Variants in CCNB3 observed in about 807,000 individuals in gnomAD.
The protein encoded by CCNB3 is G2/mitotic-specific cyclin-B3.
CCNB3 carries 12 observed loss-of-function variants against 68.0 expected under a neutral mutation model. The ratio of observed to expected loss-of-function variants is 0.18; its 90% CI spans 0.11 to 0.29. CCNB3 has a LOEUF of 0.29. Among genes scored for constraint, CCNB3 ranks in the 10% least tolerant of loss-of-function variants. The pLI, the probability that CCNB3 is intolerant of heterozygous loss-of-function variation, is 1.00. For missense variants in CCNB3, 904 were observed against 993.1 expected (o/e 0.91, Z 1.21); for synonymous variants, 354 against 388.9 (o/e 0.91, Z 1.06).
intron 8 of CCNB3, among the ~76,000 whole-genome samples, chrX:50,318,109 T>G (rs1169978584): frequency 1.8e-5 from 2 of 110,532 alleles, no homozygotes; most frequent in Non-Finnish European, 3.8e-5. Flanking sequence ...TTCTGTTTCC[T>G]TTATCTCTGT....
At chrX:50,209,072 A>G (rs1935430546) in intron 1 of CCNB3, among the ~76,000 whole-genome samples, 1 of 110,595 alleles carries the variant, frequency 9.0e-6, no homozygotes, top group Admixed American at 9.6e-5. Flanking sequence ...TAGGGTCTGT[A>G]GTGGAATCCC....
At chrX:50,226,513 A>G (rs1935812854) in intron 1 of CCNB3, among the ~76,000 whole-genome samples, 2 of 74,809 alleles carry the variant, frequency 2.7e-5, no homozygotes, top group Non-Finnish European at 4.6e-5. Flanking sequence ...TATATATAGA[A>G]TATATAGATA....
Position 50,294,751 on chromosome X carries a change from C to A in CCNB3, c.205-112C>A, listed in dbSNP as rs782362255. Reference sequence around the variant, plus strand: ...ATCACTCCTGGGAACACCCAACCAACTTATGTGGGTCAGGACTTTCCTATG... The same window carrying A: ...ATCACTCCTGGGAACACCCAACCAAATTATGTGGGTCAGGACTTTCCTATG... On this transcript the variant is annotated intron_variant, in intron 4 of 12. Coordinates refer to ENST00000376042, the MANE Select transcript of CCNB3 (RefSeq NM_033031.3). 7.9e-5 allele frequency: 74 copies of A among 933,952 alleles called. No individual in the cohort carries two copies. The East Asian group carries it at 2.3e-3, about 29-fold the overall frequency. The allele number at this position is 933,952 out of a possible 1,213,427, so 77.0% of individuals were successfully genotyped here. A position where few individuals can be genotyped will look rare whatever the true frequency, so the allele number is the denominator to read the frequency against.
At chrX:50,314,599 A>G (rs1921631264) in intron 8 of CCNB3, among the ~76,000 whole-genome samples, 2 of 111,869 alleles carry the variant, frequency 1.8e-5, no homozygotes, top group South Asian at 7.5e-4. Flanking sequence ...ATAGTTTTAT[A>G]TCCTTTGTTA....
In CCNB3 at chrX:50,288,830, T is replaced by C. The variant is rs1483310158; in HGVS notation, c.147T>C (p.Ser49=). The C allele has an allele frequency of 8.3e-6, 10 of 1,207,283 alleles. No individual in the cohort carries two copies. Among genetic ancestry groups the C allele is most frequent in the Non-Finnish European group, 1.0e-5 (9 of 893,339 alleles). ...TATCTCCATCTTCACTTCAGGAGTC[T>C]CCATCTTCACTTCAGGGAGCACTCA... The part of the protein sequence containing the change: ...TKISPSSLQE[S]PSSLQGALKK... The change falls in exon 4 of 13, where the codon TCT becomes TCC. Residue 49 remains serine (S), a synonymous_variant. Transcript: ENST00000376042.
intron 1 of CCNB3, among the ~76,000 whole-genome samples, chrX:50,216,265 G>A (rs900166723): frequency 4.8e-5 from 5 of 104,285 alleles, no homozygotes; most frequent in African/African-American, 1.8e-4. Flanking sequence ...GTGTGTGTGT[G>A]TGTTTGTGTG....
intron 5 of CCNB3, among the ~76,000 whole-genome samples, chrX:50,301,620 C>A (rs1373072662): frequency 1.8e-5 from 2 of 112,424 alleles, no homozygotes; most frequent in African/African-American, 3.2e-5. Flanking sequence ...GTTCTCAGAT[C>A]TCAAGCTGCG....
At chrX:50,349,640 T>C (rs1051027558) in intron 11 of CCNB3, among the ~76,000 whole-genome samples, 4 of 112,199 alleles carry the variant, frequency 3.6e-5, no homozygotes, top group Non-Finnish European at 7.5e-5. Flanking sequence ...ATTACCCCCT[T>C]GTGTTACTCC....
chrX:50,219,759 T>C (rs1046614723), intron 1 of CCNB3, among the ~76,000 whole-genome samples: 3 of 111,823 alleles, frequency 2.7e-5, no homozygotes, highest in Non-Finnish European at 1.9e-5. Flanking sequence ...TCCGGGCTCT[T>C]TTTTGTTTTC....
chrX:50,204,294 C>T (rs1273619150), upstream of CCNB3, among the ~76,000 whole-genome samples: 6 of 111,845 alleles, frequency 5.4e-5, no homozygotes, highest in Admixed American at 5.7e-4. Flanking sequence ...ATCAGAATCA[C>T]CTGGAGGGCT....
intron 8 of CCNB3, among the ~76,000 whole-genome samples, chrX:50,336,411 G>A (rs1282647082): frequency 9.0e-6 from 1 of 111,713 alleles, no homozygotes; most frequent in East Asian, 2.8e-4. Context: ...GCTTTCTCTG[G>A]GGCTTGTTGC....
chrX:50,322,985 T>A lies in CCNB3; in HGVS notation c.3516+9037T>A, dbSNP rs35679144. Among the ~76,000 whole-genome samples, 20 of 111,815 alleles carry A rather than the reference T, an allele frequency of 1.8e-4. 1 individual carries two copies. In the South Asian group the frequency reaches 7.3e-3, roughly 41 times the overall value. ...CACTGTTGGTAGGACTGTAAACTGGTTCAACCATTGTGGAAGACAGTGTGG... is the reference window on the plus strand; with the variant it reads ...CACTGTTGGTAGGACTGTAAACTGGATCAACCATTGTGGAAGACAGTGTGG... On this transcript the variant is annotated intron_variant, in intron 8 of 12. Transcript: ENST00000376042.
At chrX:50,321,632 C>G (rs1261186181) in intron 8 of CCNB3, among the ~76,000 whole-genome samples, 1 of 111,283 alleles carries the variant, frequency 9.0e-6, no homozygotes, top group East Asian at 2.8e-4. Flanking sequence ...CAGTAGTATA[C>G]TGTTTTTATT....
Position 50,351,550 on chromosome X carries a change from A to G in CCNB3, c.4092-57A>G, listed in dbSNP as rs17003332. The G allele has an allele frequency of 4.5e-3, 4,960 of 1,101,576 alleles. 129 individuals are homozygous for G. In the African/African-American group the frequency reaches 0.082, roughly 18 times the overall value. The allele number at this position is 1,101,576 out of a possible 1,213,427, so 90.8% of individuals were successfully genotyped here. A position where few individuals can be genotyped will look rare whatever the true frequency, so the allele number is the denominator to read the frequency against. On this transcript the variant is annotated intron_variant, in intron 12 of 12. Coordinates refer to ENST00000376042, the MANE Select transcript of CCNB3 (RefSeq NM_033031.3). ...GGGCTGTATGTCCCACTTGTTCCAT[A>G]GAGCATGATTGTATTTGCCCTATTC...
At chrX:50,279,174 T>G (rs1477952590) in intron 1 of CCNB3, among the ~76,000 whole-genome samples, 1 of 87 alleles carries the variant, frequency 0.011, no homozygotes, top group Non-Finnish European at 0.024. Flanking sequence ...TATATATATA[T>G]GAATATAATA....
At chrX:50,289,284 G>A (rs1557209789) in intron 4 of CCNB3, among the ~76,000 whole-genome samples, 1 of 111,305 alleles carries the variant, frequency 9.0e-6, no homozygotes, top group African/African-American at 3.3e-5. Context: ...TTTCTGTTGT[G>A]TAGGACTGAT....
At chrX:50,323,963 A>G (rs998937897) in intron 8 of CCNB3, among the ~76,000 whole-genome samples, 1 of 112,440 alleles carries the variant, frequency 8.9e-6, no homozygotes, top group African/African-American at 3.2e-5. Flanking sequence ...AACAATGGCT[A>G]TTGGCCTAGT....
chrX:50,308,166 A>G (rs1478574411), intron 5 of CCNB3, among the ~76,000 whole-genome samples: 2 of 112,464 alleles, frequency 1.8e-5, no homozygotes, highest in Non-Finnish European at 3.8e-5. Context: ...AAATGCAGCT[A>G]GTGAAGGAGA....
intron 5 of CCNB3, among the ~76,000 whole-genome samples, chrX:50,300,251 T>C (rs1335873801): frequency 1.8e-5 from 2 of 111,796 alleles, no homozygotes; most frequent in African/African-American, 6.5e-5. Context: ...CAATTTGGCA[T>C]GTTTTTGCAG....
Sources: allele counts gnomAD v4.1 joint callset (sites outside exome capture counted in the v4.1 genomes callset), GRCh38; gene constraint gnomAD v4.1.1; transcripts MANE v1.5; gene names NCBI Gene and HGNC (gene_info 2026-07-23, HGNC 2026-07-21).